PCDHA7: variants seen among roughly 807,000 people sequenced by gnomAD.
The protein encoded by PCDHA7 is protocadherin alpha 7.
A neutral mutation model predicts 57.2 loss-of-function variants in PCDHA7; 37 were observed. The observed-to-expected ratio is 0.65, with a 90% CI of 0.50 to 0.85. PCDHA7 has a LOEUF of 0.85. Ranked by LOEUF, PCDHA7 falls within the 40% of genes least tolerant of loss-of-function variation. The pLI, the probability that PCDHA7 is intolerant of heterozygous loss-of-function variation, is 0.00. For missense variants in PCDHA7, 1,188 were observed against 1,241.8 expected, an observed-to-expected ratio of 0.96 and a Z score of 0.65; for synonymous variants, 553 against 558.8, an observed-to-expected ratio of 0.99 and a Z score of 0.15.
chr5:140,836,580 A>G lies in PCDHA7; in HGVS notation c.2197A>G (p.Ser733Gly), dbSNP rs782817140. 6.2e-7 allele frequency: 1 copy of G among 1,613,664 alleles called. No individual in the cohort carries two copies. The highest frequency in any genetic ancestry group is 2.2e-5 in the East Asian group (1 of 44,830). Reference sequence around the variant, plus strand: ...AGCGCCGTCCTCTGAGGGCGCATGTAGTTTGGTAAAGCCCACTCTGGTGTG... The same window carrying G: ...AGCGCCGTCCTCTGAGGGCGCATGTGGTTTGGTAAAGCCCACTCTGGTGTG... ...CSAPSSEGAC[S>G]LVKPTLVCSS... Residue 733 changes from serine (S) to glycine (G), a missense_variant, in exon 1 of 4, where the codon AGT (serine) becomes GGT (glycine). Around this residue, in one of 3 missense-constraint regions of PCDHA7, gnomAD observed 892 missense variants for 788.5 expected, o/e 1.13. Transcript: ENST00000525929.
chr5:140,855,609 T>C (rs1471221233), intron 1 of PCDHA7, among the ~76,000 whole-genome samples: 1 of 149,748 alleles, frequency 6.7e-6, no homozygotes, highest in African/African-American at 2.5e-5. Flanking sequence ...TATGCAAATA[T>C]TAAGGGCATT....
In PCDHA7 at chr5:140,967,672, C is replaced by G. The variant is rs781956405; in HGVS notation, c.2356-11277C>G. 36 of 1,614,182 alleles carry G rather than the reference C, an allele frequency of 2.2e-5. No individual in the cohort carries two copies. The South Asian group carries it at 3.8e-4, about 17-fold the overall frequency. ...ACTCCTTGAGCAGCTACACGTCGGACCGGGAGAGGCAGCTCTTCAGCATAG... is the reference window on the plus strand; with the variant it reads ...ACTCCTTGAGCAGCTACACGTCGGAGCGGGAGAGGCAGCTCTTCAGCATAG... On this transcript the variant is annotated intron_variant, in intron 1 of 3. Transcript: ENST00000525929.
At chr5:140,906,017 C>G (rs1172988114) in intron 1 of PCDHA7, among the ~76,000 whole-genome samples, 2 of 152,188 alleles carry the variant, frequency 1.3e-5, no homozygotes, top group African/African-American at 2.4e-5. Flanking sequence ...AGTCTAATCT[C>G]TCCACGTTCT....
At chr5:140,999,605 G>T (rs1587843541) in intron 3 of PCDHA7, among the ~76,000 whole-genome samples, 2 of 152,132 alleles carry the variant, frequency 1.3e-5, no homozygotes, top group Admixed American at 1.3e-4. Context: ...CATCCTGGGG[G>T]ACCTTATCAA....
intron 1 of PCDHA7, chr5:140,847,546 A>C (rs1179862564): frequency 6.7e-6 from 1 of 149,632 alleles, no homozygotes; most frequent in African/African-American, 2.4e-5. Context: ...GCATAGCTTT[A>C]AAAACAGAAA....
Position 140,982,515 on chromosome 5 carries a change from C to A in PCDHA7, c.2455C>A (p.Pro819Thr), listed in dbSNP as rs1278779763. ...LEEAGILRAG[P>T]GGPDQQWPTV... ...GGAGGCTGGCATTCTACGGGCTGGT[C>A]CAGGAGGGCCTGATCAGCAGTGGCC... Residue 819 changes from proline (P) to threonine (T), a missense_variant, in exon 3 of 4, where the codon CCA becomes ACA. Pro to Thr is a conservative substitution (Grantham distance 38, BLOSUM62 -1). Transcript: ENST00000525929. 3 of 1,614,058 alleles carry A rather than the reference C, an allele frequency of 1.9e-6. No individual in the cohort carries two copies. Among genetic ancestry groups the A allele is most frequent in the Middle Eastern group, 1.6e-4 (1 of 6,080 alleles).
At chr5:140,925,556 T>C (rs1421287870) in intron 1 of PCDHA7, among the ~76,000 whole-genome samples, 2 of 151,752 alleles carry the variant, frequency 1.3e-5, no homozygotes, top group African/African-American at 4.8e-5. Flanking sequence ...AAATGACAAG[T>C]TAATGGGTGC....
chr5:140,987,043 A>G (rs1406153632), intron 3 of PCDHA7, among the ~76,000 whole-genome samples: 5 of 151,912 alleles, frequency 3.3e-5, no homozygotes, highest in Non-Finnish European at 7.4e-5. Flanking sequence ...GCGAAACCCC[A>G]TCTCTACTAA....
intron 1 of PCDHA7, among the ~76,000 whole-genome samples, chr5:140,844,046 T>C (rs1373355795): frequency 1.1e-4 from 17 of 149,680 alleles, no homozygotes; most frequent in African/African-American, 3.9e-4. Flanking sequence ...GTGAAAGTAT[T>C]CCCCCAAAGC....
intron 1 of PCDHA7, among the ~76,000 whole-genome samples, chr5:140,966,026 G>C (rs1586101729): frequency 6.6e-6 from 1 of 152,290 alleles, no homozygotes; most frequent in Non-Finnish European, 1.5e-5. Context: ...TGGGAGTCAG[G>C]TGAATAGTTC....
At chr5:140,880,231 A>G (rs2058275588) in intron 1 of PCDHA7, among the ~76,000 whole-genome samples, 1 of 152,266 alleles carries the variant, frequency 6.6e-6, no homozygotes, top group South Asian at 2.1e-4. Context: ...CATTTAAATT[A>G]GTGTATGTGC....
chr5:140,968,782 C>T (rs1256152245), intron 1 of PCDHA7: 43 of 1,614,072 alleles, frequency 2.7e-5, no homozygotes, highest in African/African-American at 8.0e-5. Flanking sequence ...CACTATCAGC[C>T]TCTGTGGCCA....
chr5:140,936,547 A>G (rs1554211059), intron 1 of PCDHA7, among the ~76,000 whole-genome samples: 1 of 152,240 alleles, frequency 6.6e-6, no homozygotes, highest in East Asian at 1.9e-4. Context: ...AGTGCAATGT[A>G]GAAGTCAAGA....
At chr5:140,971,366 G>A (rs1554233245) in intron 1 of PCDHA7, among the ~76,000 whole-genome samples, 1 of 152,186 alleles carries the variant, frequency 6.6e-6, no homozygotes, top group Non-Finnish European at 1.5e-5. Flanking sequence ...TTTGCCAGGA[G>A]AGTGCATGAC....
At chr5:140,975,309 T>C (rs182558596) in intron 1 of PCDHA7, among the ~76,000 whole-genome samples, 161 of 152,342 alleles carry the variant, frequency 1.1e-3, no homozygotes, top group African/African-American at 3.2e-3. Flanking sequence ...CTCATGTGAT[T>C]ATGTCAGTCC....
In PCDHA7 at chr5:140,856,671, AGTT is replaced by A. The variant is rs781932565; in HGVS notation, c.2355+19941_2355+19943del. 8 of 1,597,880 alleles carry A rather than the reference AGTT, an allele frequency of 5.0e-6. 1 individual carries two copies. The highest frequency in any genetic ancestry group is 4.5e-5 in the East Asian group (2 of 44,874). The stretch of plus-strand genomic sequence containing the variant: ...GATCGTGAAGAAAATCCTCAGCTAA[AGTT>A]GTTGTTGACAGCAACTGATGGAGGC... On this transcript the variant is annotated intron_variant, in intron 1 of 3. Transcript: ENST00000525929.
intron 1 of PCDHA7, chr5:140,871,406 T>C (rs1406444669): frequency 1.2e-6 from 2 of 1,614,032 alleles, no homozygotes; most frequent in Non-Finnish European, 1.7e-6. Flanking sequence ...AAGACGGACC[T>C]CATGGCCTTC....
At chr5:140,928,271 C>G in intron 1 of PCDHA7, 2 of 1,614,186 alleles carry the variant, frequency 1.2e-6, no homozygotes, top group East Asian at 4.5e-5. Flanking sequence ...AACAATGGCC[C>G]TGGGGCCTCT....
intron 3 of PCDHA7, among the ~76,000 whole-genome samples, chr5:140,993,229 C>T (rs1396962894): frequency 6.6e-6 from 1 of 152,092 alleles, no homozygotes; most frequent in Non-Finnish European, 1.5e-5. Flanking sequence ...GGTATGTTCT[C>T]TCTGAATCTG....
Sources: gnomAD v4.1 joint callset for allele counts (sites outside exome capture counted in the v4.1 genomes callset) on GRCh38, gnomAD v4.1.1 for gene constraint, gnomAD v4.1.1 regional missense constraint, MANE v1.5 for transcripts, NCBI Gene and HGNC (gene_info 2026-07-23, HGNC 2026-07-21) for gene names.